DCC: variants seen among roughly 807,000 people sequenced by gnomAD.
DCC encodes DCC netrin 1 receptor.
A neutral mutation model predicts 172.5 loss-of-function variants in DCC; 58 were observed. That is an observed-to-expected ratio of 0.34 (90% confidence interval 0.27 to 0.42). DCC has a LOEUF of 0.42. Ranked by LOEUF, DCC falls within the 10% of genes least tolerant of loss-of-function variation. The probability of loss-of-function intolerance (pLI) is 1.00; values close to 1 mark genes in which losing one functional copy is unlikely to be tolerated. For missense variants in DCC, 1,740 were observed against 1,791.0 expected (o/e 0.97, Z 0.51); for synonymous variants, 709 against 644.5 (o/e 1.10, Z -1.52).
At chr18:52,981,096 T>TAAGA (rs1409225821) in intron 5 of DCC, among the ~76,000 whole-genome samples, 2 of 152,126 alleles carry the variant, frequency 1.3e-5, no homozygotes, top group African/African-American at 4.8e-5. Flanking sequence ...AAATACTGGC[T>TAAGA]AAGACTTTCA....
chr18:53,231,456 G>A (rs2056120055), intron 12 of DCC, among the ~76,000 whole-genome samples: 1 of 152,078 alleles, frequency 6.6e-6, no homozygotes, highest in Non-Finnish European at 1.5e-5. Context: ...AATAAAGCAA[G>A]TGTCTGAACA....
intron 5 of DCC, among the ~76,000 whole-genome samples, chr18:52,960,169 A>G (rs149964526): frequency 0.014 from 2,067 of 152,236 alleles, 61 homozygotes; most frequent in African/African-American, 0.048. Flanking sequence ...TTTCAAAACT[A>G]TAGATTTTAA....
chr18:53,410,366 A>C lies in DCC; in HGVS notation c.2936-86A>C, dbSNP rs1216617036. On this transcript the variant is annotated intron_variant, in intron 19 of 28. Coordinates refer to ENST00000442544, the MANE Select transcript of DCC (RefSeq NM_005215.4). Reference sequence around the variant, plus strand: ...TTGTGGACATATAATAATTATTGTAAATTACATTTGGGAAACCTGGGTGTT... The same window carrying C: ...TTGTGGACATATAATAATTATTGTACATTACATTTGGGAAACCTGGGTGTT... The C allele has an allele frequency of 3.7e-6, 3 of 819,290 alleles. No individual in the cohort carries two copies. The African/African-American group carries it at 5.0e-5, about 14-fold the overall frequency. The allele number at this position is 819,290 out of a possible 1,614,324, so 50.8% of individuals were successfully genotyped here.
chr18:53,356,970 G>A (rs948351733), intron 15 of DCC, among the ~76,000 whole-genome samples: 4 of 152,080 alleles, frequency 2.6e-5, no homozygotes, highest in South Asian at 2.1e-4. Flanking sequence ...CTTAGAAGTC[G>A]CTGAAGTGAT....
rs750118738 is a variant in DCC, at chr18:53,178,957, C to T, written c.1419-5C>T. On this transcript the variant is annotated splice_region_variant and splice_polypyrimidine_tract_variant and intron_variant, in intron 8 of 28. Transcript: ENST00000442544. Reference sequence around the variant, plus strand: ...TAATCTTTCTCTGCAACTTTGATTTCTCAGGGAACGAGCATTGAATACAAC... The same window carrying T: ...TAATCTTTCTCTGCAACTTTGATTTTTCAGGGAACGAGCATTGAATACAAC... The T allele has an allele frequency of 1.9e-6, 3 of 1,613,916 alleles. No homozygotes were observed. In the South Asian group the frequency reaches 3.3e-5, roughly 18 times the overall value.
At chr18:53,201,348 C>G (rs1292665657) in intron 9 of DCC, among the ~76,000 whole-genome samples, 2 of 152,132 alleles carry the variant, frequency 1.3e-5, no homozygotes, top group African/African-American at 4.8e-5. Flanking sequence ...GGAACACATT[C>G]AATGAGTACT....
At chr18:53,009,156 C>A (rs538342260) in intron 5 of DCC, among the ~76,000 whole-genome samples, 2 of 151,936 alleles carry the variant, frequency 1.3e-5, no homozygotes, top group African/African-American at 4.8e-5. Flanking sequence ...TCTGAGTTGA[C>A]CATATGTTGA....
intron 12 of DCC, among the ~76,000 whole-genome samples, chr18:53,249,297 T>C (rs989241956): frequency 6.6e-6 from 1 of 151,942 alleles, no homozygotes; most frequent in African/African-American, 2.4e-5. Context: ...CAAACAAAAA[T>C]AAATTGCCAA....
At chr18:52,559,543 G>T (rs956087931) in intron 1 of DCC, among the ~76,000 whole-genome samples, 30 of 152,236 alleles carry the variant, frequency 2.0e-4, no homozygotes, top group African/African-American at 7.0e-4. Flanking sequence ...CTGACAAAAT[G>T]CACAAAAGAA....
At position 53,215,573 on chromosome 18, in the gene DCC, C is replaced by T; in HGVS notation, c.1887C>T (p.Val629=). 1 of 1,613,858 alleles carries T rather than the reference C, an allele frequency of 6.2e-7. No individual in the cohort carries two copies. Among genetic ancestry groups the T allele is most frequent in the Non-Finnish European group, 8.5e-7 (1 of 1,179,786 alleles). ...TGCCAAGTGCCCCGCCTCAGAACGT[C>T]TCCCTGGAAGTGGTCAATTCAAGAG... is the stretch of plus-strand genomic sequence containing the variant. The part of the protein sequence containing the change: ...SDVPSAPPQN[V]SLEVVNSRSI... The change falls in exon 12 of 29, where the codon GTC becomes GTT. Residue 629 remains valine, a synonymous_variant. Coordinates refer to ENST00000442544, the MANE Select transcript of DCC (RefSeq NM_005215.4).
intron 1 of DCC, among the ~76,000 whole-genome samples, chr18:52,398,260 A>G (rs1986306682): frequency 6.6e-6 from 1 of 151,958 alleles, no homozygotes; most frequent in African/African-American, 2.4e-5. Flanking sequence ...TAAGCCTGAT[A>G]GTTGGATATT....
intron 1 of DCC, among the ~76,000 whole-genome samples, chr18:52,592,905 G>C (rs185982488): frequency 3.9e-5 from 6 of 151,982 alleles, no homozygotes; most frequent in African/African-American, 1.5e-4. Context: ...TTGGCCTCCC[G>C]AAGTGCTAGG....
intron 1 of DCC, among the ~76,000 whole-genome samples, chr18:52,465,396 C>T (rs1014583982): frequency 6.6e-6 from 1 of 152,056 alleles, no homozygotes; most frequent in Admixed American, 6.6e-5. Context: ...GGTAAATTTC[C>T]CCTTCAGGCA....
chr18:53,430,769 G>T (rs892133463), intron 21 of DCC, among the ~76,000 whole-genome samples: 1 of 152,066 alleles, frequency 6.6e-6, no homozygotes, highest in Non-Finnish European at 1.5e-5. Context: ...AGGACATTGA[G>T]AACACATTTT....
intron 15 of DCC, among the ~76,000 whole-genome samples, chr18:53,384,481 A>G (rs1043402884): frequency 2.6e-5 from 4 of 151,918 alleles, no homozygotes; most frequent in Admixed American, 6.6e-5. Flanking sequence ...TTCCTTCTCT[A>G]ACTTCAATAT....
chr18:53,052,119 T>A (rs941522439), intron 5 of DCC, among the ~76,000 whole-genome samples: 3 of 152,098 alleles, frequency 2.0e-5, no homozygotes, highest in Admixed American at 2.0e-4. Context: ...GCATCTATTA[T>A]GAGACTTGTA....
At chr18:52,870,071 G>T (rs1306843683) in intron 2 of DCC, among the ~76,000 whole-genome samples, 3 of 152,056 alleles carry the variant, frequency 2.0e-5, no homozygotes, top group Non-Finnish European at 2.9e-5. Flanking sequence ...GGGCGACTTG[G>T]CCTAGCCCCA....
intron 1 of DCC, among the ~76,000 whole-genome samples, chr18:52,626,273 A>C (rs2144869801): frequency 6.6e-6 from 1 of 152,270 alleles, no homozygotes; most frequent in East Asian, 1.9e-4. Flanking sequence ...ACCATAAAAA[A>C]CTTTTGCTTC....
At chr18:52,423,089 A>G (rs893295430) in intron 1 of DCC, among the ~76,000 whole-genome samples, 6 of 152,144 alleles carry the variant, frequency 3.9e-5, no homozygotes, top group African/African-American at 7.2e-5. Context: ...TCATTCACCT[A>G]TTTCATTAAA....
Sources: gnomAD v4.1 joint callset for allele counts (sites outside exome capture counted in the v4.1 genomes callset) on GRCh38, gnomAD v4.1.1 for gene constraint, MANE v1.5 for transcripts, NCBI Gene and HGNC (gene_info 2026-07-23, HGNC 2026-07-21) for gene names.